The following ZNF804B variants were observed in gnomAD, a reference collection of about 807,000 sequenced individuals.
The protein encoded by ZNF804B is zinc finger protein 804B.
ZNF804B carries 80 observed loss-of-function variants against 101.4 expected under a neutral mutation model. That is an observed-to-expected ratio of 0.79 (90% CI 0.66 to 0.95). The LOEUF (loss-of-function observed/expected upper bound fraction) is 0.95. Ranked by LOEUF, ZNF804B falls within the 40% of genes least tolerant of loss-of-function variation. The probability of loss-of-function intolerance (pLI) is 0.00; values close to 1 mark genes in which losing one functional copy is unlikely to be tolerated. For synonymous variants in ZNF804B, 622 were observed against 558.8 expected, an observed-to-expected ratio of 1.11 and a Z score of -1.59; for missense variants, 1,673 against 1,561.9, an observed-to-expected ratio of 1.07 and a Z score of -1.20.
intron 1 of ZNF804B, among the ~76,000 whole-genome samples, chr7:89,180,093 C>T (rs1788274300): frequency 6.6e-6 from 1 of 152,120 alleles, no homozygotes; most frequent in Admixed American, 6.6e-5. Flanking sequence ...CCATGCTGGG[C>T]CAGACTTGAC....
intron 2 of ZNF804B, among the ~76,000 whole-genome samples, chr7:89,273,118 C>T (rs1310209398): frequency 6.6e-6 from 1 of 152,036 alleles, no homozygotes; most frequent in Non-Finnish European, 1.5e-5. Context: ...CAAACCTAAG[C>T]ACTATGTCAT....
At chr7:88,793,746 A>G (rs1407486441) in intron 1 of ZNF804B, among the ~76,000 whole-genome samples, 2 of 152,098 alleles carry the variant, frequency 1.3e-5, no homozygotes, top group Non-Finnish European at 2.9e-5. Flanking sequence ...CTCTAACCTG[A>G]GGTTGCAAGC....
chr7:88,795,027 A>T, intron 1 of ZNF804B: 1 of 1,148,132 alleles, frequency 8.7e-7, no homozygotes, highest in Non-Finnish European at 1.2e-6. Flanking sequence ...TTTACTGATG[A>T]ACTCGTGTTT....
intron 1 of ZNF804B, among the ~76,000 whole-genome samples, chr7:88,870,255 C>T (rs865941435): frequency 1.2e-4 from 18 of 150,586 alleles, no homozygotes; most frequent in East Asian, 3.9e-4. Context: ...CATGGTGGCG[C>T]GCGCCTGTAG....
chr7:88,759,734 G>T lies in ZNF804B; in HGVS notation c.-243G>T. ...GTCAGAGCAGCATGTGGACTGGCTC[G>T]CCGGGTCCCCTCCGTGCTCTGTGCT... On this transcript the variant is annotated 5_prime_UTR_variant, in exon 1 of 4. Coordinates refer to ENST00000333190, the MANE Select transcript of ZNF804B (RefSeq NM_181646.5). The T allele has an allele frequency of 1.9e-6, 1 of 535,328 alleles. No individual in the cohort carries two copies. The highest frequency in any genetic ancestry group is 3.1e-5 in the Admixed American group (1 of 32,196). 33.2% of individuals were successfully genotyped at this position (535,328 alleles called of 1,614,324 possible).
At chr7:88,935,533 A>AT (rs58179904) in intron 1 of ZNF804B, among the ~76,000 whole-genome samples, 7,524 of 150,748 alleles carry the variant, frequency 0.05, 233 homozygotes, top group East Asian at 0.19. Flanking sequence ...TTTTTTATTA[A>AT]TTTTTTTTTA....
intron 1 of ZNF804B, among the ~76,000 whole-genome samples, chr7:89,199,880 A>G (rs1233153461): frequency 6.7e-6 from 1 of 148,346 alleles, no homozygotes; most frequent in Non-Finnish European, 1.5e-5. Flanking sequence ...TATGTAGTAT[A>G]TTATATAATA....
intron 1 of ZNF804B, among the ~76,000 whole-genome samples, chr7:88,800,351 C>T (rs1384944534): frequency 6.6e-6 from 1 of 152,028 alleles, no homozygotes; most frequent in Non-Finnish European, 1.5e-5. Flanking sequence ...TATTACGGAA[C>T]AGTGTTTGGT....
chr7:89,171,369 T>G (rs1329318755), intron 1 of ZNF804B, among the ~76,000 whole-genome samples: 8 of 119,342 alleles, frequency 6.7e-5, no homozygotes, highest in Non-Finnish European at 1.4e-4. Context: ...CTCCTCTTCC[T>G]CTTCTTCCTC....
chr7:89,162,400 TA>T (rs1249191541), intron 1 of ZNF804B, among the ~76,000 whole-genome samples: 2 of 152,164 alleles, frequency 1.3e-5, no homozygotes, highest in African/African-American at 4.8e-5. Context: ...GTCAAATTCC[TA>T]AATAGCTTTT....
intron 2 of ZNF804B, among the ~76,000 whole-genome samples, chr7:89,253,230 T>A (rs1165727636): frequency 2.6e-5 from 4 of 152,094 alleles, no homozygotes; most frequent in Non-Finnish European, 5.9e-5. Context: ...TTAAGTATTT[T>A]TATAAACAAG....
chr7:88,970,344 G>GCCCCCCCCCCCC (rs3034350), intron 1 of ZNF804B, among the ~76,000 whole-genome samples: 1 of 144,062 alleles, frequency 6.9e-6, no homozygotes. Context: ...TTATTCTGAT[G>GCCCCCCCCCCCC]CCCCCCCCCC....
intron 1 of ZNF804B, among the ~76,000 whole-genome samples, chr7:88,952,890 A>G (rs1021085057): frequency 2.6e-5 from 4 of 151,836 alleles, no homozygotes; most frequent in African/African-American, 9.7e-5. Context: ...GAAGAGTGGC[A>G]ACTACAGTAA....
At chr7:89,171,124 T>C (rs1791217668) in intron 1 of ZNF804B, among the ~76,000 whole-genome samples, 1 of 152,192 alleles carries the variant, frequency 6.6e-6, no homozygotes. Flanking sequence ...TGGTTTCCGG[T>C]CAATTTATAA....
intron 2 of ZNF804B, among the ~76,000 whole-genome samples, chr7:89,243,301 A>G (rs1789396598): frequency 1.3e-5 from 2 of 151,720 alleles, no homozygotes; most frequent in South Asian, 2.1e-4. Context: ...AAACACGAGG[A>G]TATAATTTAC....
At chr7:88,926,264 A>G (rs1182793784) in intron 1 of ZNF804B, among the ~76,000 whole-genome samples, 1 of 152,000 alleles carries the variant, frequency 6.6e-6, no homozygotes. Flanking sequence ...CTAGGCAGAC[A>G]TGTTTAATTC....
At chr7:89,129,639 A>AC (rs1432550670) in intron 1 of ZNF804B, among the ~76,000 whole-genome samples, 1 of 151,966 alleles carries the variant, frequency 6.6e-6, no homozygotes, top group East Asian at 1.9e-4. Context: ...AAATTTATTA[A>AC]CCCCTCAAAT....
At chr7:89,021,135 A>G (rs141664039) in intron 1 of ZNF804B, among the ~76,000 whole-genome samples, 5 of 152,236 alleles carry the variant, frequency 3.3e-5, no homozygotes, top group Admixed American at 6.5e-5. Flanking sequence ...ATTTCTATAG[A>G]TGGTCTTAGA....
At chr7:88,777,846 TAA>T (rs3084379) in intron 1 of ZNF804B, among the ~76,000 whole-genome samples, 17 of 107,538 alleles carry the variant, frequency 1.6e-4, no homozygotes, top group African/African-American at 1.4e-4. Context: ...AGACTCCATC[TAA>T]AAAAAAAAAA....
Sources: allele counts gnomAD v4.1 joint callset (sites outside exome capture counted in the v4.1 genomes callset), GRCh38; gene constraint gnomAD v4.1.1; transcripts MANE v1.5; gene names NCBI Gene and HGNC (gene_info 2026-07-23, HGNC 2026-07-21).